ELAVL1: variants seen among roughly 807,000 people sequenced by gnomAD.
The protein encoded by ELAVL1 is ELAV like RNA binding protein 1.
Under a neutral mutation model 28.4 loss-of-function variants are expected in ELAVL1, and 1 was observed. That is an observed-to-expected ratio of 0.04 (90% CI 0.01 to 0.17). The LOEUF (loss-of-function observed/expected upper bound fraction) is 0.17. Among genes scored for constraint, ELAVL1 ranks in the 10% least tolerant of loss-of-function variants. ELAVL1 has a pLI of 1.00. For synonymous variants in ELAVL1, 174 were observed against 183.5 expected, an observed-to-expected ratio of 0.95 and a Z score of 0.42; for missense variants, 157 against 447.2, an observed-to-expected ratio of 0.35 and a Z score of 5.85.
At chr19:8,002,913 A>ATT (rs1568318744) in intron 1 of ELAVL1, among the ~76,000 whole-genome samples, 2 of 152,192 alleles carry the variant, frequency 1.3e-5, no homozygotes, top group Non-Finnish European at 1.5e-5. Flanking sequence ...AGAGAGGTCA[A>ATT]GAAAACGTGT....
chr19:7,982,364 C>T lies in ELAVL1; in HGVS notation c.173-1178G>A, dbSNP rs12985897. Among the ~76,000 whole-genome samples the T allele has an allele frequency of 0.062, 9,380 of 152,202 alleles. 303 individuals are homozygous for T. Among genetic ancestry groups the T allele is most frequent in the Non-Finnish European group, 0.07 (4,770 of 68,002 alleles). On this transcript the variant is annotated intron_variant, in intron 2 of 5. Transcript: ENST00000407627. This position sits in a 1 kb window ranked among gnomAD's most constrained non-coding sequence, Gnocchi z 4.3. ...TGCTCCATTCCCCCAGCCGGCAGAG[C>T]GCGACAACGAGCAGGTCACCGAACA... is the stretch of plus-strand genomic sequence containing the variant.
At chr19:8,001,293 C>T (rs1339615837) in intron 1 of ELAVL1, among the ~76,000 whole-genome samples, 1 of 152,196 alleles carries the variant, frequency 6.6e-6, no homozygotes, top group Non-Finnish European at 1.5e-5. Context: ...CATTTGGTGG[C>T]ATAGCCCCAC....
At chr19:7,996,452 G>A (rs2081049496) in intron 1 of ELAVL1, among the ~76,000 whole-genome samples, 1 of 150,272 alleles carries the variant, frequency 6.7e-6, no homozygotes, top group South Asian at 2.2e-4. Flanking sequence ...GCCTCCCAAA[G>A]TGCTGGGATT....
intron 2 of ELAVL1, among the ~76,000 whole-genome samples, chr19:7,985,723 C>T (rs901328417): frequency 3.9e-5 from 6 of 152,120 alleles, no homozygotes; most frequent in South Asian, 2.1e-4. Context: ...GTGGGAGATA[C>T]GGGGAAGCAG....
In ELAVL1 at chr19:7,960,104, T is replaced by C. The variant is rs1341240342; in HGVS notation, c.*3379A>G. On this transcript the variant is annotated 3_prime_UTR_variant, in exon 6 of 6. Coordinates refer to ENST00000407627, the MANE Select transcript of ELAVL1 (RefSeq NM_001419.3). ...GTCTTTTCAATGCCTGGTGGACAAA[T>C]GGCCTTCATTTGGAAGCAAACCGGG... 1 of 152,142 alleles carries C rather than the reference T, an allele frequency of 6.6e-6. No homozygotes were observed. Among genetic ancestry groups the C allele is most frequent in the African/African-American group, 2.4e-5 (1 of 41,444 alleles). 9.4% of individuals were successfully genotyped at this position (152,142 alleles called of 1,614,324 possible).
chr19:8,003,355 C>CAAAAAAAAAAAAAAAAAAAGAA (rs1164802928), intron 1 of ELAVL1, among the ~76,000 whole-genome samples: 1 of 61,092 alleles, frequency 1.6e-5, no homozygotes, highest in Non-Finnish European at 2.7e-5. Flanking sequence ...GAAACTGTCT[C>CAAAAAAAAAAAAAAAAAAAGAA]AAAAAAAAAA....
At chr19:7,999,674 C>G (rs2081060922) in intron 1 of ELAVL1, among the ~76,000 whole-genome samples, 1 of 152,162 alleles carries the variant, frequency 6.6e-6, no homozygotes, top group Admixed American at 6.5e-5. Flanking sequence ...CCCCGGCCTC[C>G]TAGGCTCAGG....
At chr19:7,990,932 C>G (rs1464470975) in intron 2 of ELAVL1, among the ~76,000 whole-genome samples, 1 of 152,186 alleles carries the variant, frequency 6.6e-6, no homozygotes, top group Non-Finnish European at 1.5e-5. Flanking sequence ...GTAAGGAAGG[C>G]CTTCACAAGT....
rs537364840 is a variant in ELAVL1, at chr19:7,981,415, C to A, written c.173-229G>T. 2.7e-3 allele frequency among the ~76,000 whole-genome samples: 404 copies of A among 150,798 alleles called. 1 individual carries two copies. The highest frequency in any genetic ancestry group is 5.0e-3 in the Non-Finnish European group (337 of 67,852). On this transcript the variant is annotated intron_variant, in intron 2 of 5. Transcript: ENST00000407627. The surrounding 1 kb of genome is among the most constrained non-coding windows in gnomAD (Gnocchi z 4.2). ...CTCTGTCACCCAGGGTGGAGTCCAG[C>A]GCTGTGATCACAGCTCACCGCCACC...
At chr19:7,992,130 G>A (rs1261737420) in intron 1 of ELAVL1, among the ~76,000 whole-genome samples, 4 of 151,932 alleles carry the variant, frequency 2.6e-5, no homozygotes, top group East Asian at 3.9e-4. Flanking sequence ...TAGTAGAGAC[G>A]GGGTTTCGTC....
chr19:7,958,622 C>G lies in ELAVL1; in HGVS notation c.*4861G>C, dbSNP rs1057141430. 1 of 152,204 alleles carries G rather than the reference C, an allele frequency of 6.6e-6. No individual in the cohort carries two copies. Among genetic ancestry groups the G allele is most frequent in the Non-Finnish European group, 1.5e-5 (1 of 68,042 alleles). 9.4% of individuals were successfully genotyped at this position (152,204 alleles called of 1,614,324 possible). On this transcript the variant is annotated 3_prime_UTR_variant, in exon 6 of 6. Transcript: ENST00000407627. ...TACCAAAATATCACAGAATTCCAGT[C>G]ATAGTTAACATACAGCGTTTAACAC...
chr19:7,967,807 C>CA lies in ELAVL1; in HGVS notation c.431-18dup. The CA allele has an allele frequency of 6.2e-7, 1 of 1,604,476 alleles. No homozygotes were observed. The highest frequency in any genetic ancestry group is 8.5e-7 in the Non-Finnish European group (1 of 1,174,010). On this transcript the variant is annotated splice_polypyrimidine_tract_variant and intron_variant, in intron 4 of 5. Coordinates refer to ENST00000407627, the MANE Select transcript of ELAVL1 (RefSeq NM_001419.3). ...TGGACAAACCTTTTCAACAAATCAACAAAAACGGAGTTAGGGGGAAAAACG... is the reference window on the plus strand; with the variant it reads ...TGGACAAACCTTTTCAACAAATCAACAAAAAACGGAGTTAGGGGGAAAAACG...
intron 5 of ELAVL1, among the ~76,000 whole-genome samples, chr19:7,967,231 C>T (rs539584549): frequency 2.6e-4 from 39 of 152,156 alleles, no homozygotes; most frequent in Non-Finnish European, 4.0e-4. Flanking sequence ...GATGGGGTCT[C>T]GCAATATTGC....
rs929887711 is a variant in ELAVL1 at position 7,982,691 on chromosome 19, C to A, written c.173-1505G>T. Among the ~76,000 whole-genome samples the A allele has an allele frequency of 2.0e-5, 3 of 152,182 alleles. No individual in the cohort carries two copies. The highest frequency in any genetic ancestry group is 2.9e-5 in the Non-Finnish European group (2 of 68,030). The stretch of plus-strand genomic sequence containing the variant: ...CATTACCTCTAGTCCACGCCCCAGC[C>A]GCTTCCTTAGTCTTTCCCTCATGTT... On this transcript the variant is annotated intron_variant, in intron 2 of 5. Transcript: ENST00000407627. The surrounding 1 kb of genome is among the most constrained non-coding windows in gnomAD (Gnocchi z 4.3).
At chr19:7,983,259 G>A (rs1035358251) in intron 2 of ELAVL1, among the ~76,000 whole-genome samples, 1 of 152,202 alleles carries the variant, frequency 6.6e-6, no homozygotes, top group Non-Finnish European at 1.5e-5. Flanking sequence ...CACCAAGACC[G>A]TAGGACCAGG....
chr19:7,975,756 G>A (rs565128892), intron 3 of ELAVL1, among the ~76,000 whole-genome samples: 59 of 152,332 alleles, frequency 3.9e-4, no homozygotes, highest in African/African-American at 1.4e-3. Context: ...CAGTTAAGAC[G>A]AGGTCACACT....
chr19:8,003,021 G>A (rs2081073418), intron 1 of ELAVL1, among the ~76,000 whole-genome samples: 1 of 152,132 alleles, frequency 6.6e-6, no homozygotes, highest in Non-Finnish European at 1.5e-5. Flanking sequence ...GGGAAGAGAT[G>A]GGAAGCGGAG....
chr19:8,004,423 G>A (rs956767205), intron 1 of ELAVL1, among the ~76,000 whole-genome samples: 11 of 152,176 alleles, frequency 7.2e-5, no homozygotes, highest in African/African-American at 2.7e-4. Flanking sequence ...GAGTGGAAGA[G>A]ACCCCTCCCC....
rs1304052968 is a variant in ELAVL1 at position 7,967,803 on chromosome 19, T to A, written c.431-13A>T. On this transcript the variant is annotated splice_polypyrimidine_tract_variant and intron_variant, in intron 4 of 5. Coordinates refer to ENST00000407627, the MANE Select transcript of ELAVL1 (RefSeq NM_001419.3). ...CCTCTGGACAAACCTTTTCAACAAATCAACAAAAACGGAGTTAGGGGGAAA... is the reference window on the plus strand; with the variant it reads ...CCTCTGGACAAACCTTTTCAACAAAACAACAAAAACGGAGTTAGGGGGAAA... 1 of 1,604,484 alleles carries A rather than the reference T, an allele frequency of 6.2e-7. No homozygotes were observed. The highest frequency in any genetic ancestry group is 1.1e-5 in the South Asian group (1 of 90,260).
Sources: allele counts gnomAD v4.1 joint callset (sites outside exome capture counted in the v4.1 genomes callset), GRCh38; gene constraint gnomAD v4.1.1; non-coding constraint Gnocchi (gnomAD v3.1); transcripts MANE v1.5; gene names NCBI Gene and HGNC (gene_info 2026-07-23, HGNC 2026-07-21).